TMEM178B: variants seen among roughly 807,000 people sequenced by gnomAD.
TMEM178B encodes the protein transmembrane protein 178B.
TMEM178B carries 5 observed loss-of-function variants against 31.0 expected under a neutral mutation model. The ratio of observed to expected loss-of-function variants is 0.16; its 90% confidence interval spans 0.08 to 0.34. The LOEUF (loss-of-function observed/expected upper bound fraction) is 0.34, where lower values mean the gene tolerates loss of function less well. TMEM178B is among the 10% of genes least tolerant of loss of function. The pLI is 1.00. For synonymous variants in TMEM178B, 164 were observed against 164.0 expected, an observed-to-expected ratio of 1.00 and a Z score of 0.00; for missense variants, 275 against 400.3, an observed-to-expected ratio of 0.69 and a Z score of 2.67.
At chr7:141,435,111 C>T (rs1488791069) in intron 2 of TMEM178B, among the ~76,000 whole-genome samples, 3 of 151,960 alleles carry the variant, frequency 2.0e-5, no homozygotes, top group African/African-American at 7.3e-5. Context: ...TCAACAAAGG[C>T]AGCAACATAC....
intron 2 of TMEM178B, among the ~76,000 whole-genome samples, chr7:141,433,960 T>G (rs1026581636): frequency 1.3e-5 from 2 of 152,230 alleles, no homozygotes; most frequent in African/African-American, 2.4e-5. Flanking sequence ...AACCCTCAGC[T>G]TCTGCTGACA....
Position 141,145,926 on chromosome 7 carries a change from A to T in TMEM178B, c.383-66665A>T, listed in dbSNP as rs74440529. Among the ~76,000 whole-genome samples, 579 of 152,314 alleles carry T rather than the reference A, an allele frequency of 3.8e-3. 5 individuals carry two copies. Among genetic ancestry groups the T allele is most frequent in the African/African-American group, 0.011 (455 of 41,572 alleles). On this transcript the variant is annotated intron_variant, in intron 1 of 3. Transcript: ENST00000565468. ...AGAGGGCTGTAGTTTGCAATTGTTC[A>T]TCTAATGCTTCTGGAAAGCATTAGG...
chr7:141,325,827 A>G (rs1799180132), intron 2 of TMEM178B, among the ~76,000 whole-genome samples: 1 of 152,208 alleles, frequency 6.6e-6, no homozygotes, highest in Admixed American at 6.5e-5. Context: ...CCCTGGGAAA[A>G]AAAAAAGTCT....
At chr7:141,331,975 G>C in intron 2 of TMEM178B, among the ~76,000 whole-genome samples, 1 of 152,196 alleles carries the variant, frequency 6.6e-6, no homozygotes, top group East Asian at 1.9e-4. Flanking sequence ...TCCTGAGGCT[G>C]TGTCCTCTGG....
In TMEM178B at chr7:141,175,065, G is replaced by A. The variant is rs192524761; in HGVS notation, c.383-37526G>A. Among the ~76,000 whole-genome samples the A allele has an allele frequency of 9.8e-3, 1,486 of 152,194 alleles. 28 individuals are homozygous for A. Among genetic ancestry groups the A allele is most frequent in the African/African-American group, 0.034 (1,398 of 41,526 alleles). ...CCTATGTCCTGAATAGTATTGCCTAGGTTTTCTTCTAGGGTTTTTATGGTT... is the reference window on the plus strand; with the variant it reads ...CCTATGTCCTGAATAGTATTGCCTAAGTTTTCTTCTAGGGTTTTTATGGTT... On this transcript the variant is annotated intron_variant, in intron 1 of 3. Coordinates refer to ENST00000565468, the MANE Select transcript of TMEM178B (RefSeq NM_001195278.2).
intron 2 of TMEM178B, among the ~76,000 whole-genome samples, chr7:141,376,231 A>G (rs1292922205): frequency 6.6e-6 from 1 of 152,236 alleles, no homozygotes; most frequent in Non-Finnish European, 1.5e-5. Context: ...GCTAATAATA[A>G]GAAGAAGAAT....
At chr7:141,186,710 G>A (rs1271559248) in intron 1 of TMEM178B, among the ~76,000 whole-genome samples, 3 of 152,168 alleles carry the variant, frequency 2.0e-5, no homozygotes, top group Non-Finnish European at 4.4e-5. Context: ...TAGTTTCTAG[G>A]GGATGGAACT....
chr7:141,078,265 T>C (rs894380638), intron 1 of TMEM178B, among the ~76,000 whole-genome samples: 1 of 152,180 alleles, frequency 6.6e-6, no homozygotes, highest in Admixed American at 6.5e-5. Context: ...GGGAAAATTA[T>C]ATTATTTGGT....
intron 2 of TMEM178B, among the ~76,000 whole-genome samples, chr7:141,228,045 C>A (rs1797374797): frequency 1.3e-5 from 2 of 152,130 alleles, no homozygotes; most frequent in Admixed American, 6.5e-5. Flanking sequence ...TGTGTACACA[C>A]ACACACACAC....
At chr7:141,256,827 C>T (rs1003487583) in intron 2 of TMEM178B, among the ~76,000 whole-genome samples, 2 of 152,040 alleles carry the variant, frequency 1.3e-5, no homozygotes, top group African/African-American at 4.8e-5. Context: ...ATGTTGCTGA[C>T]GTGATTGGAT....
chr7:141,490,236 A>G, the TMEM178B span, among the ~76,000 whole-genome samples: 1 of 152,240 alleles, frequency 6.6e-6, no homozygotes, highest in Non-Finnish European at 1.5e-5. Context: ...CCTCCAAAAA[A>G]TGTTGAAACC....
chr7:141,403,581 C>A lies in TMEM178B; in HGVS notation c.497-34027C>A, dbSNP rs541812106. Among the ~76,000 whole-genome samples the A allele has an allele frequency of 3.9e-5, 6 of 152,318 alleles. No individual in the cohort carries two copies. In the South Asian group the frequency reaches 1.2e-3, roughly 32 times the overall value. ...CCACTTGCTTTACTATGATCTTGGG[C>A]AAGATGCTCAATATCTGTGTCTCAT... On this transcript the variant is annotated intron_variant, in intron 2 of 3. Transcript: ENST00000565468.
At chr7:141,409,872 G>T (rs191866367) in intron 2 of TMEM178B, among the ~76,000 whole-genome samples, 107 of 152,230 alleles carry the variant, frequency 7.0e-4, no homozygotes, top group African/African-American at 2.5e-3. Flanking sequence ...CACAAAGTGG[G>T]ATTCCAGCTC....
chr7:141,267,150 C>T (rs1283433941), intron 2 of TMEM178B, among the ~76,000 whole-genome samples: 2 of 152,202 alleles, frequency 1.3e-5, no homozygotes, highest in Non-Finnish European at 2.9e-5. Flanking sequence ...GCTTGTTGGC[C>T]CAGGAGAATT....
chr7:141,196,455 T>C (rs1291860403), intron 1 of TMEM178B, among the ~76,000 whole-genome samples: 2 of 152,352 alleles, frequency 1.3e-5, no homozygotes, highest in African/African-American at 2.4e-5. Flanking sequence ...TGGAAGTTTC[T>C]ATTTCCCCTG....
At chr7:141,303,122 T>C (rs1798755695) in intron 2 of TMEM178B, among the ~76,000 whole-genome samples, 1 of 152,186 alleles carries the variant, frequency 6.6e-6, no homozygotes, top group Admixed American at 6.5e-5. Context: ...CTTTATTCAG[T>C]GCCATTCCTT....
intron 2 of TMEM178B, among the ~76,000 whole-genome samples, chr7:141,407,058 G>C (rs1341159378): frequency 6.6e-6 from 1 of 152,194 alleles, no homozygotes; most frequent in Non-Finnish European, 1.5e-5. Context: ...CCCACCACCA[G>C]TCCCATACAG....
At chr7:141,254,243 GA>G (rs1429512651) in intron 2 of TMEM178B, among the ~76,000 whole-genome samples, 5 of 152,330 alleles carry the variant, frequency 3.3e-5, no homozygotes, top group Non-Finnish European at 7.3e-5. Flanking sequence ...GCATGGGTGG[GA>G]AATGGCCTTT....
At chr7:141,116,215 G>C (rs1485837604) in intron 1 of TMEM178B, among the ~76,000 whole-genome samples, 4 of 152,142 alleles carry the variant, frequency 2.6e-5, no homozygotes, top group Admixed American at 6.5e-5. Flanking sequence ...ATTAGCCAGA[G>C]ACAATTTGGT....
Sources: allele counts gnomAD v4.1 joint callset (sites outside exome capture counted in the v4.1 genomes callset), GRCh38; gene constraint gnomAD v4.1.1; transcripts MANE v1.5; gene names NCBI Gene and HGNC (gene_info 2026-07-23, HGNC 2026-07-21).